TMEM116: variants seen among roughly 807,000 people sequenced by gnomAD.
TMEM116 encodes the protein transmembrane protein 116.
TMEM116 carries 38 observed loss-of-function variants against 44.3 expected under a neutral mutation model. The ratio of observed to expected loss-of-function variants is 0.86; its 90% CI spans 0.66 to 1.12. The LOEUF (loss-of-function observed/expected upper bound fraction) is 1.12. Among genes scored for constraint, TMEM116 ranks in the 50% most tolerant of loss-of-function variants. The pLI, the probability that TMEM116 is intolerant of heterozygous loss-of-function variation, is 0.00. For synonymous variants in TMEM116, 132 were observed against 144.8 expected (o/e 0.91, Z 0.64); for missense variants, 354 against 401.7 (o/e 0.88, Z 1.01).
At chr12:111,961,106 T>C (rs10849990) in intron 4 of TMEM116, among the ~76,000 whole-genome samples, 40,691 of 151,950 alleles carry the variant, frequency 0.27, 7,107 homozygotes, top group East Asian at 0.85. Flanking sequence ...CACATACAAC[T>C]TCCCAAGACT....
intron 4 of TMEM116, among the ~76,000 whole-genome samples, chr12:111,949,005 G>A (rs2073501508): frequency 1.3e-5 from 2 of 151,772 alleles, no homozygotes; most frequent in South Asian, 2.1e-4. Context: ...CTGAGGTGGT[G>A]GGGTGGCGGG....
At chr12:112,011,024 G>A (rs2077813782) in intron 1 of TMEM116, 1 of 152,474 alleles carries the variant, frequency 6.6e-6, no homozygotes, top group Non-Finnish European at 1.5e-5. Flanking sequence ...TTGGCCCCAA[G>A]CCCGCTCTGA....
chr12:111,932,700 C>T (rs1472840584), intron 9 of TMEM116, 41 bp from the exon 10 acceptor site: 1 of 1,532,816 alleles, frequency 6.5e-7, no homozygotes, highest in Non-Finnish European at 9.0e-7. Context: ...TCAGCCCTGA[C>T]TGTCTGAAGT....
chr12:111,993,498 CT>C (rs2076741286), intron 3 of TMEM116: 10 of 546,012 alleles, frequency 1.8e-5, no homozygotes, highest in South Asian at 1.6e-4. Flanking sequence ...TCTGCCAGTG[CT>C]GAATTCTTTG....
At chr12:111,980,613 A>G (rs2075884043) in intron 4 of TMEM116, among the ~76,000 whole-genome samples, 1 of 152,172 alleles carries the variant, frequency 6.6e-6, no homozygotes. Flanking sequence ...ATTGTAATAA[A>G]TGTACCACAC....
intron 4 of TMEM116, among the ~76,000 whole-genome samples, chr12:111,954,005 T>C (rs1188715445): frequency 1.3e-5 from 2 of 152,132 alleles, no homozygotes; most frequent in Non-Finnish European, 1.5e-5. Context: ...TAATTACACA[T>C]CAGTATTAAC....
At position 111,938,527 on chromosome 12, in the gene TMEM116, T is replaced by C. The variant is rs554607726; in HGVS notation, c.316-317A>G. Among the ~76,000 whole-genome samples the C allele has an allele frequency of 4.6e-5, 7 of 152,334 alleles. No homozygotes were observed. The South Asian group carries it at 1.4e-3, about 32-fold the overall frequency. On this transcript the variant is annotated intron_variant, in intron 5 of 10. Coordinates refer to ENST00000552374, the MANE Select transcript of TMEM116 (RefSeq NM_001193531.2). ...AAATTCTTTTAAAAAGAAAGGCATA[T>C]ATGAAATCATATAGTAACCCTCTAT...
chr12:111,958,277 TAAAAAAAAAAAAAA>T (rs61637468), intron 4 of TMEM116, among the ~76,000 whole-genome samples: 5,807 of 27,886 alleles, frequency 0.21, 729 homozygotes, highest in East Asian at 0.63. Context: ...CAATAAATAC[TAAAAAAAAAAAAAA>T]AAAAAAAAAA....
Position 111,932,579 on chromosome 12 carries a change from G to C in TMEM116, c.807+7C>G. The C allele has an allele frequency of 6.2e-7, 1 of 1,611,864 alleles. No individual in the cohort carries two copies. Among genetic ancestry groups the C allele is most frequent in the Non-Finnish European group, 8.5e-7 (1 of 1,177,968 alleles). ...AGAACAGAGATACTGAATGTTGAAG[G>C]TGTTACCTGGAGAACATAAAGGGCC... On this transcript the variant is annotated splice_region_variant and intron_variant, in intron 10 of 10. Coordinates refer to ENST00000552374, the MANE Select transcript of TMEM116 (RefSeq NM_001193531.2).
intron 4 of TMEM116, among the ~76,000 whole-genome samples, chr12:111,985,300 A>G (rs2076166240): frequency 6.6e-6 from 1 of 150,768 alleles, no homozygotes; most frequent in South Asian, 2.2e-4. Context: ...ACACACACAC[A>G]CGCAACTGTT....
chr12:111,967,901 G>C (rs1308234630), intron 4 of TMEM116, among the ~76,000 whole-genome samples: 1 of 152,100 alleles, frequency 6.6e-6, no homozygotes, highest in African/African-American at 2.4e-5. Context: ...TGAATAAAGT[G>C]AACTCTTTAA....
intron 3 of TMEM116, among the ~76,000 whole-genome samples, chr12:111,996,661 T>C (rs955347675): frequency 1.5e-4 from 23 of 152,238 alleles, no homozygotes; most frequent in African/African-American, 5.3e-4. Context: ...GCAAATATAC[T>C]AGATAAGCTT....
intron 4 of TMEM116, among the ~76,000 whole-genome samples, chr12:111,951,885 A>G (rs999430599): frequency 6.6e-6 from 1 of 152,170 alleles, no homozygotes; most frequent in African/African-American, 2.4e-5. Context: ...ACATCCCAAT[A>G]CAACTTTTTG....
At chr12:112,004,145 T>C (rs959079480) in intron 2 of TMEM116, among the ~76,000 whole-genome samples, 2 of 152,082 alleles carry the variant, frequency 1.3e-5, no homozygotes, top group African/African-American at 4.8e-5. Context: ...CACAACTGGC[T>C]AATTATTTTA....
intron 4 of TMEM116, among the ~76,000 whole-genome samples, chr12:111,964,528 T>G (rs1389107557): frequency 6.6e-6 from 1 of 152,092 alleles, no homozygotes; most frequent in Non-Finnish European, 1.5e-5. Context: ...CTCTAAGAAT[T>G]TATTCTCATC....
At chr12:111,950,109 C>T (rs1388263644) in intron 4 of TMEM116, among the ~76,000 whole-genome samples, 4 of 151,186 alleles carry the variant, frequency 2.6e-5, no homozygotes, top group African/African-American at 7.3e-5. Flanking sequence ...CAGTGAGACT[C>T]CCTCTCAAAA....
chr12:112,005,991 G>A, intron 1 of TMEM116: 1 of 985,872 alleles, frequency 1.0e-6, no homozygotes, highest in Non-Finnish European at 1.2e-6. Context: ...CTAGTGGAAA[G>A]GTCATAGGGA....
intron 4 of TMEM116, among the ~76,000 whole-genome samples, chr12:111,955,787 G>C (rs560982258): frequency 6.6e-6 from 1 of 152,258 alleles, no homozygotes; most frequent in East Asian, 1.9e-4. Context: ...TCTATGTTTA[G>C]ATATGCAAAT....
chr12:111,989,843 C>G (rs1429631340), intron 4 of TMEM116, among the ~76,000 whole-genome samples: 1 of 152,070 alleles, frequency 6.6e-6, no homozygotes, highest in African/African-American at 2.4e-5. Flanking sequence ...AACAGGAATG[C>G]TTGTTATCTT....
Sources: allele counts gnomAD v4.1 joint callset (sites outside exome capture counted in the v4.1 genomes callset), GRCh38; gene constraint gnomAD v4.1.1; transcripts MANE v1.5; gene names NCBI Gene and HGNC (gene_info 2026-07-23, HGNC 2026-07-21).